Variants in RC3H1 observed in about 807,000 individuals in gnomAD.
The protein encoded by RC3H1 is ring finger and CCCH-type domains 1.
RC3H1 carries 50 observed loss-of-function variants against 138.2 expected under a neutral mutation model. That is an observed-to-expected ratio of 0.36 (90% confidence interval 0.29 to 0.46). RC3H1 has a LOEUF of 0.46. RC3H1 is among the 20% of genes least tolerant of loss of function. The probability of loss-of-function intolerance (pLI) is 1.00; values close to 1 mark genes in which losing one functional copy is unlikely to be tolerated. For missense variants in RC3H1, 1,031 were observed against 1,388.1 expected (o/e 0.74, Z 4.09); for synonymous variants, 462 against 489.1 (o/e 0.94, Z 0.73).
rs1162923137 is a variant in RC3H1, at chr1:173,936,630, C to T, written c.*2091G>A. On this transcript the variant is annotated 3_prime_UTR_variant, in exon 20 of 20. Transcript: ENST00000367696. ...TGTCAGACATACAAAAGTTTCTTTC[C>T]TTCTCCCAATAAACAATAGGCATTT... 1 of 146,518 alleles carries T rather than the reference C, an allele frequency of 6.8e-6. No individual in the cohort carries two copies. Among genetic ancestry groups the T allele is most frequent in the African/African-American group, 2.5e-5 (1 of 40,204 alleles). The allele number at this position is 146,518 out of a possible 1,614,324, so 9.1% of individuals were successfully genotyped here. A position where few individuals can be genotyped will look rare whatever the true frequency, so the allele number is the denominator to read the frequency against.
Position 173,938,611 on chromosome 1 carries a change from G to T in RC3H1, c.*110C>A. 2 of 743,434 alleles carry T rather than the reference G, an allele frequency of 2.7e-6. No homozygotes were observed. Among genetic ancestry groups the T allele is most frequent in the Non-Finnish European group, 4.1e-6 (2 of 484,768 alleles). The allele number at this position is 743,434 out of a possible 1,614,324, so 46.1% of individuals were successfully genotyped here. On this transcript the variant is annotated 3_prime_UTR_variant, in exon 20 of 20. Coordinates refer to ENST00000367696, the MANE Select transcript of RC3H1 (RefSeq NM_172071.4). ...CACATTGCCTCTGGTGAATTTCCTG[G>T]ATTTCTCTGACCGCTCTTAAGAGAA...
chr1:173,983,582 C>G lies in RC3H1; in HGVS notation c.428G>C (p.Cys143Ser). 6.2e-7 allele frequency: 1 copy of G among 1,614,180 alleles called. No individual in the cohort carries two copies. Among genetic ancestry groups the G allele is most frequent in the Non-Finnish European group, 8.5e-7 (1 of 1,180,026 alleles). Residue 143 changes from cysteine (C) to serine (S), a missense_variant, in exon 4 of 20, where the codon TGT (cysteine) becomes TCT (serine). This residue lies in a region of RC3H1 where 53 missense variants were observed against 137.4 expected (regional missense o/e 0.39). Transcript: ENST00000367696. ...MQRKLVTLVHCQLVEEEGRIR... is the reference protein window; with the variant it reads ...MQRKLVTLVHSQLVEEEGRIR... Reference sequence around the variant, plus strand: ...CCTGCCTTCTTCTTCTACTAGTTGACAGTGGACTAGAGTCACAAGCTTCCT... The same window carrying G: ...CCTGCCTTCTTCTTCTACTAGTTGAGAGTGGACTAGAGTCACAAGCTTCCT...
chr1:173,964,261 T>C (rs549964784), intron 10 of RC3H1, 74 bp from the exon 11 acceptor site: 13 of 1,252,924 alleles, frequency 1.0e-5, no homozygotes, highest in South Asian at 2.6e-5. Flanking sequence ...GTAAAAAAGA[T>C]TGCTACAATT....
Position 173,951,972 on chromosome 1 carries a change from G to T in RC3H1, c.2523+14C>A, listed in dbSNP as rs762891793. On this transcript the variant is annotated intron_variant, in intron 14 of 19. Transcript: ENST00000367696. Reference sequence around the variant, plus strand: ...CTTAATTTGTATTAATTATTGCTTAGCTATTACACATACCATCATTTCCAC... The same window carrying T: ...CTTAATTTGTATTAATTATTGCTTATCTATTACACATACCATCATTTCCAC... 1 of 1,590,018 alleles carries T rather than the reference G, an allele frequency of 6.3e-7. No individual in the cohort carries two copies. The highest frequency in any genetic ancestry group is 1.8e-5 in the Admixed American group (1 of 54,758).
intron 9 of RC3H1, among the ~76,000 whole-genome samples, chr1:173,966,551 C>G (rs528642110): frequency 6.6e-6 from 1 of 151,872 alleles, no homozygotes; most frequent in Non-Finnish European, 1.5e-5. Context: ...CCCATCTCTA[C>G]TAAAAATACA....
chr1:174,019,164 A>C (rs1661914524), intron 1 of RC3H1, among the ~76,000 whole-genome samples: 1 of 152,246 alleles, frequency 6.6e-6, no homozygotes, highest in Admixed American at 6.5e-5. Flanking sequence ...AAACAGTATG[A>C]GTTTTTATAT....
Position 173,964,928 on chromosome 1 carries a change from CG to C in RC3H1, c.1526del (p.Pro509ArgfsTer12). 2.5e-6 allele frequency: 4 copies of C among 1,614,028 alleles called. No homozygotes were observed. Among genetic ancestry groups the C allele is most frequent in the Non-Finnish European group, 3.4e-6 (4 of 1,179,996 alleles). ...STGNTVTQLI[P>X]RGTDPSYDSS... ...AATCATAGCTGGGGTCTGTCCCTCG[CG>C]GAATAAGCTGTGTTACTGTATTCCC... is the stretch of plus-strand genomic sequence containing the variant. On this transcript the variant is annotated frameshift_variant, in exon 10 of 20. Coordinates refer to ENST00000367696, the MANE Select transcript of RC3H1 (RefSeq NM_172071.4). LOFTEE classifies it high-confidence loss of function.
chr1:174,005,614 G>T (rs191977812), intron 1 of RC3H1, among the ~76,000 whole-genome samples: 28 of 152,072 alleles, frequency 1.8e-4, no homozygotes, highest in Admixed American at 1.6e-3. Context: ...AACACAACAT[G>T]CCTAAATTTG....
chr1:173,974,920 A>T (rs907122606), intron 7 of RC3H1, among the ~76,000 whole-genome samples: 1 of 152,190 alleles, frequency 6.6e-6, no homozygotes, highest in African/African-American at 2.4e-5. Flanking sequence ...TTTTAAAGGT[A>T]GGGCCTACAG....
chr1:174,000,580 C>T (rs998319109), intron 1 of RC3H1, among the ~76,000 whole-genome samples: 2 of 152,172 alleles, frequency 1.3e-5, no homozygotes, highest in African/African-American at 4.8e-5. Flanking sequence ...AACAAAACCA[C>T]ACTGTCTGTA....
At chr1:173,996,023 T>A (rs999680335) in intron 1 of RC3H1, among the ~76,000 whole-genome samples, 5 of 151,924 alleles carry the variant, frequency 3.3e-5, no homozygotes, top group Admixed American at 2.0e-4. Flanking sequence ...GGAGGTCGAG[T>A]TGGGCAAATC....
intron 11 of RC3H1, among the ~76,000 whole-genome samples, chr1:173,962,376 C>A (rs1171038063): frequency 1.3e-5 from 2 of 152,090 alleles, no homozygotes; most frequent in Non-Finnish European, 2.9e-5. Flanking sequence ...AATGAAGACA[C>A]TGGAAAACAA....
At chr1:173,997,245 C>T (rs1571237329) in intron 1 of RC3H1, among the ~76,000 whole-genome samples, 2 of 152,150 alleles carry the variant, frequency 1.3e-5, no homozygotes, top group East Asian at 1.9e-4. Flanking sequence ...GACAAAAAAA[C>T]TTAATGGCAG....
intron 1 of RC3H1, among the ~76,000 whole-genome samples, chr1:174,020,834 C>A (rs551358711): frequency 1.3e-5 from 2 of 152,160 alleles, no homozygotes; most frequent in Admixed American, 1.3e-4. Flanking sequence ...CATGGTGAAA[C>A]CCCGTCTCTA....
chr1:173,987,739 T>C (rs758554127), intron 2 of RC3H1, among the ~76,000 whole-genome samples: 7 of 152,040 alleles, frequency 4.6e-5, no homozygotes, highest in Non-Finnish European at 1.0e-4. Flanking sequence ...GAGATATACA[T>C]TGTAATAACC....
chr1:174,021,490 GT>G (rs200151859), intron 1 of RC3H1, among the ~76,000 whole-genome samples: 33 of 144,338 alleles, frequency 2.3e-4, no homozygotes, highest in Admixed American at 2.8e-4. Flanking sequence ...TAAGTTTTTT[GT>G]TTTTTTTTTT....
intron 1 of RC3H1, among the ~76,000 whole-genome samples, chr1:174,006,478 A>C (rs1661655119): frequency 6.6e-6 from 1 of 152,178 alleles, no homozygotes; most frequent in Non-Finnish European, 1.5e-5. Context: ...TCAGTTACTC[A>C]GCTAACTTAG....
In RC3H1 at chr1:173,993,061, T is replaced by A; in HGVS notation, c.-76A>T. On this transcript the variant is annotated 5_prime_UTR_variant, in exon 2 of 20. In the 5' UTR this introduces an upstream ATG that the reference lacks. Coordinates refer to ENST00000367696, the MANE Select transcript of RC3H1 (RefSeq NM_172071.4). ...CAAAGATTCCACTGGAATCAAAATC[T>A]TTGAAAAAAAGTTTATCTTTTTTTT... 9.1e-7 allele frequency: 1 copy of A among 1,098,648 alleles called. No individual in the cohort carries two copies. Among genetic ancestry groups the A allele is most frequent in the Non-Finnish European group, 1.3e-6 (1 of 742,770 alleles). The allele number at this position is 1,098,648 out of a possible 1,614,324, so 68.1% of individuals were successfully genotyped here.
At position 173,984,492 on chromosome 1, in the gene RC3H1, A is replaced by T. The variant is rs748091786; in HGVS notation, c.352+7T>A. On this transcript the variant is annotated splice_region_variant and intron_variant, in intron 3 of 19. Transcript: ENST00000367696. Reference sequence around the variant, plus strand: ...ACTCTTTAAATAAGAAACAAAAACAAACTTACCTCTAGCACTGCTGAGCGG... The same window carrying T: ...ACTCTTTAAATAAGAAACAAAAACATACTTACCTCTAGCACTGCTGAGCGG... 2 of 1,611,418 alleles carry T rather than the reference A, an allele frequency of 1.2e-6. No homozygotes were observed. The highest frequency in any genetic ancestry group is 1.7e-6 in the Non-Finnish European group (2 of 1,179,212).
Sources: allele counts gnomAD v4.1 joint callset (sites outside exome capture counted in the v4.1 genomes callset), GRCh38; gene constraint gnomAD v4.1.1; regional missense constraint gnomAD v4.1.1; transcripts MANE v1.5; gene names NCBI Gene and HGNC (gene_info 2026-07-23, HGNC 2026-07-21).